The following ZRSR2 variants were observed in gnomAD, a reference collection of about 807,000 sequenced individuals.
ZRSR2 encodes zinc finger CCCH-type, RNA binding motif and serine/arginine rich 2.
In ZRSR2, 3 loss-of-function variants were observed where a neutral mutation model predicts 39.4. The ratio of observed to expected loss-of-function variants is 0.08; its 90% confidence interval spans 0.03 to 0.20. The LOEUF is 0.20. Ranked by LOEUF, ZRSR2 falls within the 10% of genes least tolerant of loss-of-function variation. The pLI is 1.00. For missense variants in ZRSR2, 256 were observed against 391.5 expected (o/e 0.65, Z 2.92); for synonymous variants, 137 against 136.0 (o/e 1.01, Z -0.05).
At chrX:15,816,084 T>C (rs932807068) in intron 8 of ZRSR2, among the ~76,000 whole-genome samples, 194 bp downstream of exon 8, 2 of 112,111 alleles carry the variant, frequency 1.8e-5, no homozygotes, top group African/African-American at 3.2e-5. Flanking sequence ...CATAAACATA[T>C]ATTAGCATGG....
At chrX:15,800,569 C>T (rs1157721221) in intron 3 of ZRSR2, among the ~76,000 whole-genome samples, 2 of 111,627 alleles carry the variant, frequency 1.8e-5, no homozygotes, top group African/African-American at 3.3e-5. Flanking sequence ...TTGCAACACA[C>T]CCAAAGATAG....
At chrX:15,796,784 G>GTTTT (rs141175603) in intron 2 of ZRSR2, among the ~76,000 whole-genome samples, 7 of 39,913 alleles carry the variant, frequency 1.8e-4, no homozygotes, top group African/African-American at 4.9e-4. Context: ...GTTTCAAATC[G>GTTTT]TTTTTTTTTT....
chrX:15,813,829 A>G (rs1932920040), intron 7 of ZRSR2, among the ~76,000 whole-genome samples: 1 of 111,792 alleles, frequency 8.9e-6, no homozygotes. Flanking sequence ...TAATTGAATA[A>G]TCCAGGAGGT....
intron 5 of ZRSR2, among the ~76,000 whole-genome samples, chrX:15,805,348 C>G (rs1198276664): frequency 8.9e-6 from 1 of 111,959 alleles, no homozygotes; most frequent in Non-Finnish European, 1.9e-5. Context: ...TGTTCCTCAA[C>G]TGAGGTCTTT....
chrX:15,823,055 G>A lies in ZRSR2; in HGVS notation c.1262G>A (p.Arg421Gln), dbSNP rs753128407. Reference sequence around the variant, plus strand: ...AAGAGTCGGGAGAGGCACAATTCACGAAGCAGAGGAAGAAATAGGGACCGC... The same window carrying A: ...AAGAGTCGGGAGAGGCACAATTCACAAAGCAGAGGAAGAAATAGGGACCGC... ...TSKSRERHNS[R>Q]SRGRNRDRSR... is the part of the protein sequence containing the mutation. The change falls in exon 11 of 11, where the codon CGA becomes CAA. Residue 421 changes from arginine (R) to glutamine (Q), a missense_variant. Transcript: ENST00000307771. The A allele has an allele frequency of 4.3e-5, 52 of 1,210,163 alleles. No individual in the cohort carries two copies. The East Asian group carries it at 1.2e-3, about 29-fold the overall frequency.
At chrX:15,811,523 C>G (rs1932882446) in intron 7 of ZRSR2, among the ~76,000 whole-genome samples, 1 of 110,424 alleles carries the variant, frequency 9.1e-6, no homozygotes, top group East Asian at 2.9e-4. Flanking sequence ...CTCCCAGGTT[C>G]AAGCGATTCT....
intron 8 of ZRSR2, among the ~76,000 whole-genome samples, chrX:15,817,417 G>T (rs933233846): frequency 2.7e-5 from 3 of 111,425 alleles, no homozygotes; most frequent in African/African-American, 9.8e-5. Context: ...GATTCATTTT[G>T]AACATAAACG....
At chrX:15,819,193 C>A (rs1001124804) in intron 9 of ZRSR2, among the ~76,000 whole-genome samples, 4 of 110,017 alleles carry the variant, frequency 3.6e-5, no homozygotes, top group Non-Finnish European at 7.6e-5. Context: ...TAATATAAGC[C>A]GGGCATGGTG....
At chrX:15,797,131 C>G (rs1475239173) in intron 2 of ZRSR2, among the ~76,000 whole-genome samples, 1 of 109,385 alleles carries the variant, frequency 9.1e-6, no homozygotes, top group African/African-American at 3.3e-5. Context: ...CAATAAAACA[C>G]TTAACTTATA....
chrX:15,798,760 A>G (rs1340841511), intron 2 of ZRSR2, among the ~76,000 whole-genome samples: 2 of 112,100 alleles, frequency 1.8e-5, no homozygotes, highest in Non-Finnish European at 3.8e-5. Context: ...TCTTCTCATG[A>G]TTAACTTCAG....
At chrX:15,812,723 A>T (rs1024060917) in intron 7 of ZRSR2, among the ~76,000 whole-genome samples, 19 of 112,225 alleles carry the variant, frequency 1.7e-4, no homozygotes, top group African/African-American at 6.2e-4. Flanking sequence ...CTAGCACATT[A>T]AGTTAGAGAA....
chrX:15,816,928 C>T (rs749497273), intron 8 of ZRSR2, among the ~76,000 whole-genome samples: 2 of 111,393 alleles, frequency 1.8e-5, no homozygotes, highest in African/African-American at 6.5e-5. Context: ...CTTCACATTA[C>T]TTGTCAGCAC....
chrX:15,803,846 A>T (rs746932557), intron 4 of ZRSR2, 50 bp downstream of exon 4: 54 of 1,161,849 alleles, frequency 4.6e-5, no homozygotes, highest in Non-Finnish European at 5.4e-5. Context: ...CTTCACCATA[A>T]TAACTCTCAT....
intron 2 of ZRSR2, among the ~76,000 whole-genome samples, chrX:15,797,351 C>A (rs982976416): frequency 9.3e-6 from 1 of 107,886 alleles, no homozygotes; most frequent in Admixed American, 1.0e-4. Context: ...GCTGGGATTA[C>A]GGGGGGCTGC....
At chrX:15,795,539 G>T (rs892028220) in intron 2 of ZRSR2, among the ~76,000 whole-genome samples, 5 of 111,576 alleles carry the variant, frequency 4.5e-5, no homozygotes, top group African/African-American at 1.6e-4. Flanking sequence ...TGACTTCAGG[G>T]ACAAAGCATC....
intron 2 of ZRSR2, among the ~76,000 whole-genome samples, chrX:15,793,257 T>C (rs1932340477): frequency 8.9e-6 from 1 of 112,089 alleles, no homozygotes; most frequent in Admixed American, 9.5e-5. Flanking sequence ...CACTAAATCC[T>C]ATAACAGCTG....
intron 7 of ZRSR2, among the ~76,000 whole-genome samples, chrX:15,810,214 G>T (rs1932858167): frequency 8.9e-6 from 1 of 111,982 alleles, no homozygotes; most frequent in African/African-American, 3.3e-5. Flanking sequence ...ACGTTCATGT[G>T]GAAACCTAGT....
At chrX:15,791,742 C>T (rs1932287721) in intron 2 of ZRSR2, among the ~76,000 whole-genome samples, 1 of 108,594 alleles carries the variant, frequency 9.2e-6, no homozygotes, top group East Asian at 2.9e-4. Flanking sequence ...CTGCAGCCTC[C>T]GCCCCCTGGG....
Position 15,818,625 on chromosome X carries a change from A to G in ZRSR2, c.810A>G (p.Val270=). ...CNLEPHLRGN[V]YVQYQSEEEC... ...TGGAACCTCACCTGAGGGGCAATGT[A>G]TATGTTCAGTACCAGTCGTAAGTAT... The change falls in exon 9 of 11, where the codon GTA becomes GTG. Residue 270 remains valine (V), a synonymous_variant. Transcript: ENST00000307771. 2.5e-6 allele frequency: 3 copies of G among 1,206,670 alleles called. No homozygotes were observed. Among genetic ancestry groups the G allele is most frequent in the Admixed American group, 2.2e-5 (1 of 45,692 alleles).
Sources: allele counts gnomAD v4.1 joint callset (sites outside exome capture counted in the v4.1 genomes callset), GRCh38; gene constraint gnomAD v4.1.1; transcripts MANE v1.5; gene names NCBI Gene and HGNC (gene_info 2026-07-23, HGNC 2026-07-21).